The following MYO3B variants were observed in gnomAD, a reference collection of about 807,000 sequenced individuals.
The protein encoded by MYO3B is myosin IIIB, also known as myosin-IIIb.
MYO3B carries 156 observed loss-of-function variants against 174.6 expected under a neutral mutation model. That is an observed-to-expected ratio of 0.89 (90% CI 0.78 to 1.02). The LOEUF (loss-of-function observed/expected upper bound fraction) is 1.02, where lower values mean the gene tolerates loss of function less well. Ranked by LOEUF, MYO3B falls within the 50% of genes least tolerant of loss-of-function variation. The probability of loss-of-function intolerance (pLI) is 0.00; values close to 1 mark genes in which losing one functional copy is unlikely to be tolerated. For missense variants in MYO3B, 1,632 were observed against 1,639.4 expected (o/e 1.00, Z 0.08); for synonymous variants, 563 against 569.1 (o/e 0.99, Z 0.15).
chr2:170,386,673 A>G (rs1438208112), intron 13 of MYO3B, among the ~76,000 whole-genome samples: 17 of 152,224 alleles, frequency 1.1e-4, no homozygotes, highest in Admixed American at 1.1e-3. Flanking sequence ...GGTGAAATCA[A>G]TATTGAAAGA....
intron 7 of MYO3B, among the ~76,000 whole-genome samples, chr2:170,300,660 A>G (rs1046848002): frequency 5.3e-5 from 8 of 152,222 alleles, no homozygotes; most frequent in Non-Finnish European, 1.2e-4. Flanking sequence ...ATCAAGCATT[A>G]TAGGAAACAA....
Position 170,367,390 on chromosome 2 carries a change from T to C in MYO3B, c.816-1832T>C, listed in dbSNP as rs114609031. On this transcript the variant is annotated intron_variant, in intron 8 of 34. Coordinates refer to ENST00000408978, the MANE Select transcript of MYO3B (RefSeq NM_138995.5). ...TGAGAAACAGACATAATGTGACTTA[T>C]TAAGAAATCAGTAAGCAGGCTTAGC... 2.3e-3 allele frequency among the ~76,000 whole-genome samples: 344 copies of C among 152,322 alleles called. 1 individual carries two copies. The highest frequency in any genetic ancestry group is 8.0e-3 in the African/African-American group (334 of 41,556).
intron 7 of MYO3B, among the ~76,000 whole-genome samples, chr2:170,255,076 G>C (rs1427702765): frequency 6.6e-6 from 1 of 152,118 alleles, no homozygotes; most frequent in African/African-American, 2.4e-5. Context: ...CTCTGCCTGG[G>C]GATCCTACGC....
intron 32 of MYO3B, among the ~76,000 whole-genome samples, chr2:170,619,534 TCA>T (rs1695715084): frequency 6.6e-6 from 1 of 152,050 alleles, no homozygotes; most frequent in African/African-American, 2.4e-5. Context: ...ATGTGAAGTC[TCA>T]GTTTGGGGAC....
intron 16 of MYO3B, among the ~76,000 whole-genome samples, chr2:170,396,966 A>G (rs975778763): frequency 1.3e-5 from 2 of 152,220 alleles, no homozygotes; most frequent in East Asian, 3.9e-4. Flanking sequence ...TCTCTGTTTT[A>G]CCCCCTGGGA....
intron 30 of MYO3B, among the ~76,000 whole-genome samples, chr2:170,535,164 G>A (rs1289556941): frequency 6.6e-6 from 1 of 152,116 alleles, no homozygotes; most frequent in African/African-American, 2.4e-5. Context: ...GAGGACTATT[G>A]GATCTCCTCT....
chr2:170,220,840 C>CA (rs149175795), intron 6 of MYO3B, among the ~76,000 whole-genome samples: 23,025 of 151,986 alleles, frequency 0.15, 1,798 homozygotes, highest in African/African-American at 0.19. Flanking sequence ...TCTGACTGTT[C>CA]AAGTGCAGGA....
intron 25 of MYO3B, among the ~76,000 whole-genome samples, chr2:170,473,088 C>G (rs59536093): frequency 0.071 from 10,558 of 149,124 alleles, 953 homozygotes; most frequent in East Asian, 0.35. Context: ...GAATCAAACT[C>G]TTACCTCTTC....
chr2:170,211,547 C>T (rs570053811), intron 3 of MYO3B, among the ~76,000 whole-genome samples: 1 of 152,072 alleles, frequency 6.6e-6, no homozygotes, highest in South Asian at 2.1e-4. Context: ...GCAATTCTTA[C>T]AAAATTTAGA....
chr2:170,522,297 G>T (rs193062391), intron 30 of MYO3B, among the ~76,000 whole-genome samples: 13 of 152,102 alleles, frequency 8.5e-5, no homozygotes, highest in Admixed American at 6.5e-4. Flanking sequence ...CAACAGAAAA[G>T]CCCCTCCTAA....
At chr2:170,445,019 GCAAATACTGAAC>G (rs2094830027) in intron 23 of MYO3B, among the ~76,000 whole-genome samples, 1 of 152,178 alleles carries the variant, frequency 6.6e-6, no homozygotes, top group South Asian at 2.1e-4. Flanking sequence ...CTCTGAATCA[GCAAATACTGAAC>G]CATTGCTTCC....
chr2:170,471,948 G>A (rs898579759), intron 25 of MYO3B, among the ~76,000 whole-genome samples: 32 of 150,202 alleles, frequency 2.1e-4, no homozygotes, highest in Middle Eastern at 3.5e-3. Flanking sequence ...CCGAGATCGC[G>A]CCATTGCACT....
At chr2:170,219,981 G>A (rs1033527489) in intron 6 of MYO3B, among the ~76,000 whole-genome samples, 2 of 152,084 alleles carry the variant, frequency 1.3e-5, no homozygotes, top group African/African-American at 2.4e-5. Context: ...GTTTGTGGCC[G>A]GGTGTGGTGG....
At chr2:170,641,016 A>G (rs561188929) in intron 32 of MYO3B, 2 of 152,318 alleles carry the variant, frequency 1.3e-5, no homozygotes, top group Admixed American at 6.5e-5. Context: ...ACAACATGCT[A>G]ATTTTTAAAA....
At chr2:170,525,789 C>A (rs1012813210) in intron 30 of MYO3B, among the ~76,000 whole-genome samples, 1 of 152,210 alleles carries the variant, frequency 6.6e-6, no homozygotes, top group African/African-American at 2.4e-5. Context: ...TCCCAGTCAG[C>A]AGGGCCGACT....
At chr2:170,570,927 A>G (rs1202796928) in intron 32 of MYO3B, among the ~76,000 whole-genome samples, 1 of 152,150 alleles carries the variant, frequency 6.6e-6, no homozygotes, top group East Asian at 1.9e-4. Flanking sequence ...ATGGAACTCA[A>G]TCTCTGTGAA....
In MYO3B at chr2:170,654,982, G is replaced by A. The variant is rs1038418647; in HGVS notation, c.*1861G>A. 6 of 151,974 alleles carry A rather than the reference G, an allele frequency of 3.9e-5. No homozygotes were observed. The highest frequency in any genetic ancestry group is 7.3e-5 in the African/African-American group (3 of 41,376). 9.4% of individuals were successfully genotyped at this position (151,974 alleles called of 1,614,324 possible). A position where few individuals can be genotyped will look rare whatever the true frequency, so the allele number is the denominator to read the frequency against. On this transcript the variant is annotated 3_prime_UTR_variant, in exon 35 of 35. Transcript: ENST00000408978. ...ATTTTTTATGTTACTGTTAATATAC[G>A]AGTGCTTTTGGAAGTTTCACTTTTG...
At chr2:170,182,067 A>G (rs2032967) in intron 1 of MYO3B, among the ~76,000 whole-genome samples, 139,037 of 152,132 alleles carry the variant, frequency 0.91, 63,553 homozygotes, top group East Asian at 1. Flanking sequence ...AGCTCCTGAT[A>G]CAAACCTTCT....
chr2:170,427,923 G>T (rs2094678018), intron 22 of MYO3B, among the ~76,000 whole-genome samples: 1 of 152,086 alleles, frequency 6.6e-6, no homozygotes, highest in African/African-American at 2.4e-5. Context: ...TTTCAAAATG[G>T]CTGGTACTTG....
Sources: allele counts gnomAD v4.1 joint callset (sites outside exome capture counted in the v4.1 genomes callset), GRCh38; gene constraint gnomAD v4.1.1; transcripts MANE v1.5; gene names NCBI Gene and HGNC (gene_info 2026-07-23, HGNC 2026-07-21).